USP34: variants seen among roughly 807,000 people sequenced by gnomAD.
USP34 encodes the protein ubiquitin carboxyl-terminal hydrolase 34.
In USP34, 70 loss-of-function variants were observed where a neutral mutation model predicts 460.3. That is an observed-to-expected ratio of 0.15 (90% confidence interval 0.13 to 0.19). The LOEUF (loss-of-function observed/expected upper bound fraction) is 0.19, where lower values mean the gene tolerates loss of function less well. USP34 is among the 10% of genes least tolerant of loss of function. The pLI is 1.00. For synonymous variants in USP34, 1,647 were observed against 1,405.3 expected, an observed-to-expected ratio of 1.17 and a Z score of -3.85; for missense variants, 3,985 against 4,236.2, an observed-to-expected ratio of 0.94 and a Z score of 1.65.
chr2:61,463,914 G>A (rs1695682134), intron 1 of USP34, among the ~76,000 whole-genome samples: 2 of 151,840 alleles, frequency 1.3e-5, no homozygotes, highest in Non-Finnish European at 2.9e-5. Flanking sequence ...CCCTAAGCAA[G>A]TCACATAAAT....
At chr2:61,328,482 G>C (rs984091001) in intron 20 of USP34, among the ~76,000 whole-genome samples, 1 of 152,048 alleles carries the variant, frequency 6.6e-6, no homozygotes, top group Non-Finnish European at 1.5e-5. Context: ...AAGTATGCAT[G>C]AACAAAGAGT....
intron 29 of USP34, among the ~76,000 whole-genome samples, chr2:61,299,384 T>TAA (rs1456290008): frequency 6.6e-6 from 1 of 152,208 alleles, no homozygotes; most frequent in Non-Finnish European, 1.5e-5. Flanking sequence ...TAAGCCCATT[T>TAA]AAAGGCATTG....
In USP34 at chr2:61,376,761, C is replaced by T. The variant is rs560992452; in HGVS notation, c.1076+1602G>A. Among the ~76,000 whole-genome samples the T allele has an allele frequency of 3.3e-5, 5 of 152,186 alleles. No individual in the cohort carries two copies. In the South Asian group the frequency reaches 6.2e-4, roughly 19 times the overall value. On this transcript the variant is annotated intron_variant, in intron 8 of 79. Coordinates refer to ENST00000398571, the MANE Select transcript of USP34 (RefSeq NM_014709.4). ...TCTCCGGGTTTAAGTGATTCTCGTG[C>T]CTCAGCTACCCAAATAGCTGGAATC... is the stretch of plus-strand genomic sequence containing the variant.
intron 8 of USP34, among the ~76,000 whole-genome samples, chr2:61,374,028 T>C (rs11883889): frequency 0.71 from 108,127 of 151,770 alleles, 39,058 homozygotes; most frequent in African/African-American, 0.82. Context: ...TGGTGGCAGG[T>C]GCCTATAATC....
At position 61,220,110 on chromosome 2, in the gene USP34, T is replaced by C. The variant is rs1480631686; in HGVS notation, c.8047+200A>G. ...TCAAGCAAGGAAACAAAAATGATAG[T>C]AGTGATGATGTTACCCAAGAAATAA... On this transcript the variant is annotated intron_variant, in intron 67 of 79. Transcript: ENST00000398571. 1.4e-5 allele frequency: 6 copies of C among 426,564 alleles called. No individual in the cohort carries two copies. The Admixed American group carries it at 3.3e-4, about 24-fold the overall frequency. 26.4% of individuals were successfully genotyped at this position (426,564 alleles called of 1,614,324 possible).
intron 44 of USP34, 52 bp downstream of exon 44, chr2:61,259,659 T>C (rs1572878907): frequency 1.3e-6 from 2 of 1,568,266 alleles, no homozygotes; most frequent in Non-Finnish European, 1.7e-6. Flanking sequence ...ATGCTATAAT[T>C]ACAGGCATGA....
chr2:61,251,642 T>G (rs979455860), intron 48 of USP34, among the ~76,000 whole-genome samples: 2 of 152,202 alleles, frequency 1.3e-5, no homozygotes, highest in African/African-American at 4.8e-5. Flanking sequence ...ATTTGTTAAT[T>G]TATTCCTATC....
chr2:61,254,101 T>C (rs981451436), intron 48 of USP34, among the ~76,000 whole-genome samples: 4 of 152,228 alleles, frequency 2.6e-5, no homozygotes, highest in Non-Finnish European at 4.4e-5. Flanking sequence ...GTTGCTTCTA[T>C]TCCTATAACC....
intron 2 of USP34, among the ~76,000 whole-genome samples, chr2:61,417,851 C>T (rs1354971982): frequency 7.0e-6 from 1 of 143,636 alleles, no homozygotes; most frequent in South Asian, 2.2e-4. Context: ...AAATGATTCT[C>T]CTTCCTCAGG....
At chr2:61,223,445 T>G in intron 62 of USP34, 149 bp from the exon 63 acceptor site, 1 of 791,130 alleles carries the variant, frequency 1.3e-6, no homozygotes, top group South Asian at 1.9e-5. Flanking sequence ...ATTTGCTTGC[T>G]AAATGTCTTT....
intron 1 of USP34, among the ~76,000 whole-genome samples, chr2:61,448,297 G>A (rs1384816028): frequency 6.6e-6 from 1 of 152,160 alleles, no homozygotes; most frequent in African/African-American, 2.4e-5. Context: ...AACACAGTGA[G>A]ATCTGTCTCT....
chr2:61,275,617 C>CT (rs34255356), intron 41 of USP34, among the ~76,000 whole-genome samples: 4,526 of 146,998 alleles, frequency 0.031, 220 homozygotes, highest in African/African-American at 0.1. Context: ...GACCCTGTCC[C>CT]TTTTTTTTTT....
In USP34 at chr2:61,349,253, G is replaced by T; in HGVS notation, c.1540C>A (p.Pro514Thr). 6.2e-7 allele frequency: 1 copy of T among 1,613,334 alleles called. No homozygotes were observed. The highest frequency in any genetic ancestry group is 8.5e-7 in the Non-Finnish European group (1 of 1,179,744). The change falls in exon 13 of 80, where the codon CCT becomes ACT. Residue 514 changes from proline to threonine, a missense_variant. This residue lies in a region of USP34 where 716 missense variants were observed against 626.2 expected (regional missense o/e 1.14). Coordinates refer to ENST00000398571, the MANE Select transcript of USP34 (RefSeq NM_014709.4). ...EEELRRTAPS[P>T]WSPAASPQSS... is the part of the protein sequence containing the mutation. ...GAATTTCTAAGGCTCAACTTACAAG[G>T]TGATGGAGCTGTTCTTCTAAGCTCT...
intron 7 of USP34, among the ~76,000 whole-genome samples, chr2:61,379,922 A>C (rs1692923310): frequency 6.6e-6 from 1 of 152,260 alleles, no homozygotes; most frequent in Admixed American, 6.5e-5. Context: ...AAAGACAGAA[A>C]CAAAATGATG....
At chr2:61,251,996 A>G (rs935862) in intron 48 of USP34, among the ~76,000 whole-genome samples, 37,584 of 151,442 alleles carry the variant, frequency 0.25, 4,733 homozygotes, top group East Asian at 0.37. Flanking sequence ...CACACCCACA[A>G]CTTTTTCCAT....
intron 1 of USP34, among the ~76,000 whole-genome samples, chr2:61,467,712 CA>C (rs1695819042): frequency 6.9e-6 from 1 of 144,218 alleles, no homozygotes; most frequent in African/African-American, 2.6e-5. Context: ...CTCCGCCTAC[CA>C]GGGTTCAAGC....
At chr2:61,418,161 C>T (rs1415881332) in intron 2 of USP34, among the ~76,000 whole-genome samples, 1 of 151,766 alleles carries the variant, frequency 6.6e-6, no homozygotes, top group African/African-American at 2.4e-5. Context: ...CTCACTGCAA[C>T]CTCCGCCTCC....
rs542284669 is a variant in USP34, at chr2:61,402,514, C to A, written c.552+3194G>T. 6.6e-5 allele frequency among the ~76,000 whole-genome samples: 10 copies of A among 152,266 alleles called. No homozygotes were observed. The South Asian group carries it at 1.7e-3, about 25-fold the overall frequency. On this transcript the variant is annotated intron_variant, in intron 3 of 79. Transcript: ENST00000398571. Reference sequence around the variant, plus strand: ...AGAGTAAGACCCGGATTCTAGGACTCTTCTCAGCAATATGCCCAATCAAAT... The same window carrying A: ...AGAGTAAGACCCGGATTCTAGGACTATTCTCAGCAATATGCCCAATCAAAT...
intron 3 of USP34, among the ~76,000 whole-genome samples, chr2:61,401,383 G>A (rs937619141): frequency 5.4e-5 from 8 of 148,688 alleles, no homozygotes; most frequent in Non-Finnish European, 9.0e-5. Context: ...GACTACAGGC[G>A]TGCACCACTA....
Sources: gnomAD v4.1 joint callset for allele counts (sites outside exome capture counted in the v4.1 genomes callset) on GRCh38, gnomAD v4.1.1 for gene constraint, gnomAD v4.1.1 regional missense constraint, MANE v1.5 for transcripts, NCBI Gene and HGNC (gene_info 2026-07-23, HGNC 2026-07-21) for gene names.